L3MBTL3: variants seen among roughly 807,000 people sequenced by gnomAD.
The protein encoded by L3MBTL3 is L3MBTL histone methyl-lysine binding protein 3.
A neutral mutation model predicts 102.3 loss-of-function variants in L3MBTL3; 27 were observed. The observed-to-expected ratio is 0.26, with a 90% CI of 0.19 to 0.36. The LOEUF (loss-of-function observed/expected upper bound fraction) is 0.36, where lower values mean the gene tolerates loss of function less well. L3MBTL3 is among the 10% of genes least tolerant of loss of function. The probability of loss-of-function intolerance (pLI) is 1.00; values close to 1 mark genes in which losing one functional copy is unlikely to be tolerated. For synonymous variants in L3MBTL3, 340 were observed against 320.9 expected (o/e 1.06, Z -0.64); for missense variants, 798 against 955.3 (o/e 0.84, Z 2.17).
chr6:130,032,586 T>C (rs758667346), intron 2 of L3MBTL3, among the ~76,000 whole-genome samples: 2 of 152,246 alleles, frequency 1.3e-5, no homozygotes, highest in Non-Finnish European at 2.9e-5. Context: ...ATCTGGTAAG[T>C]ACTATGCTGT....
intron 2 of L3MBTL3, among the ~76,000 whole-genome samples, chr6:130,029,695 CTTTT>C (rs1779590745): frequency 6.6e-6 from 1 of 152,018 alleles, no homozygotes. Context: ...TTAAATAGGC[CTTTT>C]TTGATGTAAA....
intron 4 of L3MBTL3, 168 bp from the exon 5 acceptor site, chr6:130,049,586 TTG>T (rs10550037): frequency 0.68 from 528,619 of 777,256 alleles, 181,835 homozygotes; most frequent in East Asian, 0.81. Flanking sequence ...ACTGTCTTCT[TTG>T]TCCTAATGCC....
intron 15 of L3MBTL3, among the ~76,000 whole-genome samples, chr6:130,084,986 T>C (rs1005219001): frequency 6.6e-6 from 1 of 152,108 alleles, no homozygotes; most frequent in Non-Finnish European, 1.5e-5. Context: ...CATGCCACCA[T>C]GCTGGGCTAA....
Position 130,133,718 on chromosome 6 carries a change from T to C in L3MBTL3, c.2136+97T>C. ...CGTAGGTAGCGTTTAGTCTTTTTTT[T>C]TCTGAAAGAGAAGAAATTATTGTGA... On this transcript the variant is annotated intron_variant, in intron 21 of 22. Coordinates refer to ENST00000361794, the MANE Select transcript of L3MBTL3 (RefSeq NM_032438.4). This position sits in a 1 kb window ranked among gnomAD's most constrained non-coding sequence, Gnocchi z 4.9. The C allele has an allele frequency of 4.0e-6, 6 of 1,511,462 alleles. No homozygotes were observed. Among genetic ancestry groups the C allele is most frequent in the Non-Finnish European group, 5.4e-6 (6 of 1,105,414 alleles). 93.6% of individuals were successfully genotyped at this position (1,511,462 alleles called of 1,614,324 possible).
chr6:130,045,542 C>A (rs1200360387), intron 3 of L3MBTL3, among the ~76,000 whole-genome samples: 1 of 152,116 alleles, frequency 6.6e-6, no homozygotes, highest in Non-Finnish European at 1.5e-5. Flanking sequence ...GTAGTTAATT[C>A]ACTTGTTTAG....
chr6:130,111,321 T>C (rs567679947), intron 19 of L3MBTL3, among the ~76,000 whole-genome samples: 1 of 152,300 alleles, frequency 6.6e-6, no homozygotes, highest in Non-Finnish European at 1.5e-5. Context: ...ATGAGGGAGC[T>C]GAACTACTGA....
intron 2 of L3MBTL3, among the ~76,000 whole-genome samples, chr6:130,039,062 A>C (rs1780244424): frequency 6.6e-6 from 1 of 152,168 alleles, no homozygotes; most frequent in Non-Finnish European, 1.5e-5. Flanking sequence ...AGGAGACTGC[A>C]CTTTTAAAAA....
chr6:130,121,397 G>A (rs1192507184), intron 20 of L3MBTL3, among the ~76,000 whole-genome samples: 1 of 152,196 alleles, frequency 6.6e-6, no homozygotes. Flanking sequence ...TCCCGCAGAA[G>A]ACATGATCTC....
At position 130,116,481 on chromosome 6, in the gene L3MBTL3, C is replaced by T. The variant is rs2115454069; in HGVS notation, c.1887-4398C>T. 1.3e-5 allele frequency among the ~76,000 whole-genome samples: 2 copies of T among 152,232 alleles called. 1 individual carries two copies. Among genetic ancestry groups the T allele is most frequent in the Middle Eastern group, 6.8e-3 (2 of 294 alleles). Reference sequence around the variant, plus strand: ...TCCTCCATGTTAAGATTCATGCACCCAGCTGCAGTGTGGGTAATCTCAATG... The same window carrying T: ...TCCTCCATGTTAAGATTCATGCACCTAGCTGCAGTGTGGGTAATCTCAATG... On this transcript the variant is annotated intron_variant, in intron 19 of 22. Coordinates refer to ENST00000361794, the MANE Select transcript of L3MBTL3 (RefSeq NM_032438.4).
At chr6:130,065,618 G>A (rs1584358470) in intron 10 of L3MBTL3, among the ~76,000 whole-genome samples, 1 of 152,172 alleles carries the variant, frequency 6.6e-6, no homozygotes, top group Non-Finnish European at 1.5e-5. Context: ...GAGGTCTGGC[G>A]TGATACGTGT....
At chr6:130,060,815 C>T (rs1018989576) in intron 10 of L3MBTL3, among the ~76,000 whole-genome samples, 1 of 151,788 alleles carries the variant, frequency 6.6e-6, no homozygotes, top group Non-Finnish European at 1.5e-5. Flanking sequence ...TGTGTTTCCT[C>T]CTATGCTAGC....
intron 19 of L3MBTL3, among the ~76,000 whole-genome samples, chr6:130,106,286 C>A (rs1245654012): frequency 6.6e-6 from 1 of 152,074 alleles, no homozygotes; most frequent in Non-Finnish European, 1.5e-5. Flanking sequence ...GTCTGACCTG[C>A]CATTACTTTT....
intron 6 of L3MBTL3, among the ~76,000 whole-genome samples, chr6:130,052,145 C>T (rs1171590524): frequency 5.3e-5 from 8 of 149,882 alleles, no homozygotes; most frequent in Non-Finnish European, 8.9e-5. Flanking sequence ...CTTGTTCTGT[C>T]GCCAGGCTGG....
At position 130,134,691 on chromosome 6, in the gene L3MBTL3, CTGAGTA is replaced by C. The variant is rs755578211; in HGVS notation, c.2199+787_2199+792del. On this transcript the variant is annotated intron_variant, in intron 22 of 22. Transcript: ENST00000361794. ...CTCCTGCCAGAAGGCAGAAAGTAGA[CTGAGTA>C]ATCTCAGAAGGTGCTCTCCAACATC... 6.4e-4 allele frequency among the ~76,000 whole-genome samples: 98 copies of C among 152,332 alleles called. 1 individual carries two copies. Among genetic ancestry groups the C allele is most frequent in the Non-Finnish European group, 1.1e-3 (77 of 68,032 alleles).
chr6:130,104,585 G>A lies in L3MBTL3; in HGVS notation c.1886+10G>A. 6.5e-7 allele frequency: 1 copy of A among 1,550,132 alleles called. No homozygotes were observed. ...CTTCCCCTGAAATCAGGTAATCAAA[G>A]AGCTAATATTAGCATTGTTTAGAAG... On this transcript the variant is annotated intron_variant, in intron 19 of 22. Transcript: ENST00000361794.
At chr6:130,093,584 A>G (rs539497282) in intron 17 of L3MBTL3, among the ~76,000 whole-genome samples, 2 of 152,358 alleles carry the variant, frequency 1.3e-5, no homozygotes, top group South Asian at 4.1e-4. Flanking sequence ...ATTTTGGTGC[A>G]CTATGCTGTA....
At chr6:130,081,618 G>A (rs975107942) in intron 14 of L3MBTL3, among the ~76,000 whole-genome samples, 1 of 151,226 alleles carries the variant, frequency 6.6e-6, no homozygotes, top group Non-Finnish European at 1.5e-5. Context: ...GTAGAGATGG[G>A]GTTTCACCAT....
intron 19 of L3MBTL3, among the ~76,000 whole-genome samples, chr6:130,119,058 A>G (rs753993647): frequency 4.6e-5 from 7 of 152,182 alleles, no homozygotes; most frequent in Non-Finnish European, 1.0e-4. Flanking sequence ...AAATCCACAA[A>G]AGGGTAACTG....
chr6:130,059,082 A>G (rs1392345009), intron 9 of L3MBTL3, among the ~76,000 whole-genome samples: 1 of 152,200 alleles, frequency 6.6e-6, no homozygotes, highest in Non-Finnish European at 1.5e-5. Context: ...CACATTAAAA[A>G]AAAAGTTTAA....
Sources: gnomAD v4.1 joint callset for allele counts (sites outside exome capture counted in the v4.1 genomes callset) on GRCh38, gnomAD v4.1.1 for gene constraint, Gnocchi (gnomAD v3.1) non-coding constraint, MANE v1.5 for transcripts, NCBI Gene and HGNC (gene_info 2026-07-23, HGNC 2026-07-21) for gene names.